FLNB: variants seen among roughly 807,000 people sequenced by gnomAD.
The protein encoded by FLNB is filamin-B.
FLNB carries 111 observed loss-of-function variants against 250.6 expected under a neutral mutation model. The ratio of observed to expected loss-of-function variants is 0.44; its 90% CI spans 0.38 to 0.52. The LOEUF (loss-of-function observed/expected upper bound fraction) is 0.52, where lower values mean the gene tolerates loss of function less well. Ranked by LOEUF, FLNB falls within the 20% of genes least tolerant of loss-of-function variation. The pLI, the probability that FLNB is intolerant of heterozygous loss-of-function variation, is 0.00. For synonymous variants in FLNB, 1,302 were observed against 1,372.1 expected (o/e 0.95, Z 1.13); for missense variants, 2,869 against 3,447.8 (o/e 0.83, Z 4.20).
chr3:58,170,553 G>A (rs766559944), intron 45 of FLNB, 22 bp from the exon 46 acceptor site: 8 of 1,612,124 alleles, frequency 5.0e-6, no homozygotes, highest in Middle Eastern at 1.6e-4. Flanking sequence ...TCCGGGTGGA[G>A]TAACCACCTT....
chr3:58,102,938 T>G lies in FLNB; in HGVS notation c.1483+598T>G, dbSNP rs111668797. ...CTTTTGGGGAAGGAGACAGCAGATG[T>G]GGGGATGGGTGTCTTCACTTTTTTC... On this transcript the variant is annotated intron_variant, in intron 9 of 45. Transcript: ENST00000295956. Among the ~76,000 whole-genome samples, 13 of 152,190 alleles carry G rather than the reference T, an allele frequency of 8.5e-5. 1 individual carries two copies. Among genetic ancestry groups the G allele is most frequent in the African/African-American group, 3.1e-4 (13 of 41,520 alleles).
intron 28 of FLNB, among the ~76,000 whole-genome samples, chr3:58,136,750 T>TTTTTTC (rs2097316819): frequency 7.4e-6 from 1 of 134,938 alleles, no homozygotes; most frequent in African/African-American, 2.9e-5. Context: ...GCCATTCTTT[T>TTTTTTC]TTTTTTTTTT....
intron 9 of FLNB, 108 bp downstream of exon 9, chr3:58,102,448 C>T (rs1338969269): frequency 2.3e-6 from 3 of 1,283,348 alleles, no homozygotes; most frequent in Non-Finnish European, 3.4e-6. Context: ...TCCCAGAAGG[C>T]TATGTCAAGG....
At chr3:58,131,278 T>A (rs2097306916) in intron 25 of FLNB, among the ~76,000 whole-genome samples, 1 of 152,152 alleles carries the variant, frequency 6.6e-6, no homozygotes, top group Non-Finnish European at 1.5e-5. Flanking sequence ...CATTGAGATA[T>A]CTTGGTGTCC....
chr3:58,156,752 A>G (rs1187419695), intron 41 of FLNB, among the ~76,000 whole-genome samples: 1 of 152,184 alleles, frequency 6.6e-6, no homozygotes, highest in Non-Finnish European at 1.5e-5. Flanking sequence ...GCTGGAGTGC[A>G]GTGGCATGAT....
intron 25 of FLNB, chr3:58,132,533 A>G (rs954141135): frequency 3.8e-6 from 2 of 524,732 alleles, no homozygotes; most frequent in African/African-American, 3.8e-5. Flanking sequence ...TCCAGCAGCA[A>G]GCACAGGCAG....
intron 12 of FLNB, among the ~76,000 whole-genome samples, chr3:58,108,095 C>A (rs989762301): frequency 6.6e-5 from 10 of 151,374 alleles, no homozygotes; most frequent in African/African-American, 2.4e-4. Context: ...ACATAAAATA[C>A]TAATGATAGC....
rs2097093621 is a variant in FLNB, at chr3:58,008,505, G to C, written c.-60G>C. 4 of 1,537,890 alleles carry C rather than the reference G, an allele frequency of 2.6e-6. No individual in the cohort carries two copies. The highest frequency in any genetic ancestry group is 2.6e-6 in the Non-Finnish European group (3 of 1,135,928). On this transcript the variant is annotated 5_prime_UTR_variant, in exon 1 of 46. Transcript: ENST00000295956. The stretch of plus-strand genomic sequence containing the variant: ...TTCGGTTCTCGCTCCTTCGGCCCTT[G>C]GGCCTCCAAACACCAGTCCCCGGCA...
chr3:58,038,037 G>T (rs1164350463), intron 1 of FLNB, among the ~76,000 whole-genome samples: 2 of 151,890 alleles, frequency 1.3e-5, no homozygotes, highest in African/African-American at 4.9e-5. Flanking sequence ...TTGTTTGTTT[G>T]TTTGTTTTTA....
At chr3:58,101,247 T>C (rs866583804) in intron 8 of FLNB, among the ~76,000 whole-genome samples, 1 of 152,064 alleles carries the variant, frequency 6.6e-6, no homozygotes. Flanking sequence ...GTCTGTGGAG[T>C]AGAGTCCCGT....
chr3:58,108,151 T>C (rs1161002103), intron 12 of FLNB, among the ~76,000 whole-genome samples: 1 of 152,222 alleles, frequency 6.6e-6, no homozygotes, highest in Non-Finnish European at 1.5e-5. Flanking sequence ...AAAAATTTTA[T>C]AACATTTTAA....
chr3:58,115,814 C>T (rs544465045), intron 18 of FLNB, among the ~76,000 whole-genome samples: 1 of 152,022 alleles, frequency 6.6e-6, no homozygotes, highest in African/African-American at 2.4e-5. Context: ...GAAGAGAAGA[C>T]CAAAGTCCTC....
chr3:58,159,972 A>C (rs999751825), intron 42 of FLNB, among the ~76,000 whole-genome samples: 2 of 152,120 alleles, frequency 1.3e-5, no homozygotes, highest in African/African-American at 4.8e-5. Flanking sequence ...GCAGTGAGCT[A>C]TGATGCAGTG....
intron 20 of FLNB, among the ~76,000 whole-genome samples, chr3:58,122,231 G>A (rs1027578871): frequency 6.7e-5 from 10 of 149,934 alleles, no homozygotes; most frequent in African/African-American, 2.2e-4. Flanking sequence ...AGCGGCTCAC[G>A]CCTGTAATCA....
chr3:58,154,984 G>A (rs2097351109), intron 40 of FLNB, 56 bp downstream of exon 40: 4 of 1,563,310 alleles, frequency 2.6e-6, no homozygotes, highest in African/African-American at 1.4e-5. Context: ...TGATTAGGTT[G>A]CAAGGAACAG....
rs775072053 is a variant in FLNB, at chr3:58,142,427, T to C, written c.5182-223T>C. Among the ~76,000 whole-genome samples the C allele has an allele frequency of 3.3e-5, 5 of 152,158 alleles. No individual in the cohort carries two copies. The highest frequency in any genetic ancestry group is 5.9e-5 in the Non-Finnish European group (4 of 68,014). ...GCTGCTGGGAATTTTACAAACAGACTCCCGAGTGATTGCTAACAGTTGGTC... is the reference window on the plus strand; with the variant it reads ...GCTGCTGGGAATTTTACAAACAGACCCCCGAGTGATTGCTAACAGTTGGTC... On this transcript the variant is annotated intron_variant, in intron 30 of 45. Coordinates refer to ENST00000295956, the MANE Select transcript of FLNB (RefSeq NM_001457.4). This position sits in a 1 kb window ranked among gnomAD's most constrained non-coding sequence, Gnocchi z 4.3.
At chr3:58,067,573 TTTTTTTTGTTTG>T (rs1430857681) in intron 1 of FLNB, among the ~76,000 whole-genome samples, 1 of 44,414 alleles carries the variant, frequency 2.3e-5, no homozygotes, top group Non-Finnish European at 4.3e-5. Flanking sequence ...AACAAAGAGG[TTTTTTTTGTTTG>T]TTTTTTTGTT....
chr3:58,042,873 C>G (rs955499569), intron 1 of FLNB, among the ~76,000 whole-genome samples: 25 of 152,222 alleles, frequency 1.6e-4, no homozygotes, highest in African/African-American at 6.0e-4. Context: ...TTTTACCCGA[C>G]TTGTGATTTT....
At chr3:58,058,536 C>T (rs1329085917) in intron 1 of FLNB, among the ~76,000 whole-genome samples, 1 of 152,204 alleles carries the variant, frequency 6.6e-6, no homozygotes, top group East Asian at 1.9e-4. Flanking sequence ...ACAGTTTGCA[C>T]TGGAACAATA....
Sources: allele counts gnomAD v4.1 joint callset (sites outside exome capture counted in the v4.1 genomes callset), GRCh38; gene constraint gnomAD v4.1.1; non-coding constraint Gnocchi (gnomAD v3.1); transcripts MANE v1.5; gene names NCBI Gene and HGNC (gene_info 2026-07-23, HGNC 2026-07-21).